GALNT12: variants seen among roughly 807,000 people sequenced by gnomAD.
The protein encoded by GALNT12 is UDP-GalNAc:polypeptide N-acetylgalactosaminyltransferase 12.
In GALNT12, 45 loss-of-function variants were observed where a neutral mutation model predicts 55.5. That is an observed-to-expected ratio of 0.81 (90% CI 0.64 to 1.04). GALNT12 has a LOEUF of 1.04. Ranked by LOEUF, GALNT12 falls within the 50% of genes least tolerant of loss-of-function variation. The pLI is 0.00. For synonymous variants in GALNT12, 304 were observed against 312.2 expected (o/e 0.97, Z 0.28); for missense variants, 709 against 754.8 (o/e 0.94, Z 0.71).
intron 1 of GALNT12, among the ~76,000 whole-genome samples, chr9:98,809,812 T>G (rs1478680228): frequency 6.6e-6 from 1 of 152,196 alleles, no homozygotes; most frequent in Non-Finnish European, 1.5e-5. Flanking sequence ...AATATCTCTT[T>G]GAAACACTGT....
intron 1 of GALNT12, among the ~76,000 whole-genome samples, chr9:98,820,778 A>G (rs768598137): frequency 3.9e-5 from 6 of 152,146 alleles, no homozygotes; most frequent in Admixed American, 1.3e-4. Flanking sequence ...TTGACTTTTT[A>G]ATAATAGCCA....
At chr9:98,822,972 G>A (rs1038662176) in intron 1 of GALNT12, among the ~76,000 whole-genome samples, 1 of 152,202 alleles carries the variant, frequency 6.6e-6, no homozygotes, top group African/African-American at 2.4e-5. Flanking sequence ...AGACGTGCCA[G>A]TTCCCTTCCT....
intron 1 of GALNT12, among the ~76,000 whole-genome samples, chr9:98,822,854 A>C (rs1185526499): frequency 6.6e-6 from 1 of 152,116 alleles, no homozygotes; most frequent in Non-Finnish European, 1.5e-5. Context: ...GGAGCTTGCC[A>C]AGTACAGAAG....
In GALNT12 at chr9:98,823,280, T is replaced by C. The variant is rs1302244505; in HGVS notation, c.396T>C (p.Tyr132=). Residue 132 remains tyrosine, a synonymous_variant, in exon 2 of 10, where the codon TAT becomes TAC. Transcript: ENST00000375011. The part of the protein sequence containing the change: ...NPLCKEKKYD[Y]DNLPRTSVII... ...GGTGCAAAGAGAAGAAATATGATTA[T>C]GATAATTTGCCCAGGACATCTGTTA... 3.1e-6 allele frequency: 5 copies of C among 1,614,218 alleles called. No homozygotes were observed. The African/African-American group carries it at 4.0e-5, about 13-fold the overall frequency.
chr9:98,848,867 A>G (rs1468677895), intron 9 of GALNT12, 85 bp from the exon 10 acceptor site: 1 of 1,526,364 alleles, frequency 6.6e-7, no homozygotes, highest in Non-Finnish European at 9.0e-7. Flanking sequence ...AATGGTAAAA[A>G]TCAGACCCTG....
chr9:98,831,666 T>C, intron 3 of GALNT12, 106 bp from the exon 4 acceptor site: 1 of 1,252,232 alleles, frequency 8.0e-7, no homozygotes, highest in South Asian at 1.3e-5. Flanking sequence ...CAGATGTTCC[T>C]CCCTCTTATT....
In GALNT12 at chr9:98,826,809, T is replaced by G. The variant is rs1219366741; in HGVS notation, c.599T>G (p.Ile200Ser). The G allele has an allele frequency of 1.2e-6, 2 of 1,612,098 alleles. No individual in the cohort carries two copies. Among genetic ancestry groups the G allele is most frequent in the African/African-American group, 2.7e-5 (2 of 74,970 alleles). Residue 200 changes from isoleucine (I) to serine (S), a missense_variant, in exon 3 of 10, where the codon ATC becomes AGC. Transcript: ENST00000375011. ...ELSGLPKVRL[I>S]RANKREGLVR... ...TCGGGACTGCCCAAGGTGCGCCTGA[T>G]CCGCGCCAACAAGAGAGAGGGCCTG...
chr9:98,837,944 A>G (rs1836194130), intron 6 of GALNT12, among the ~76,000 whole-genome samples: 2 of 152,152 alleles, frequency 1.3e-5, no homozygotes, highest in Non-Finnish European at 2.9e-5. Context: ...CCAGTAAATA[A>G]TGAGGATGGA....
chr9:98,827,074 A>T, intron 3 of GALNT12, 133 bp downstream of exon 3: 3 of 931,562 alleles, frequency 3.2e-6, no homozygotes, highest in Non-Finnish European at 5.0e-6. Flanking sequence ...TGGGCAGGAG[A>T]GCAGTCCCTG....
At chr9:98,808,214 C>G in intron 1 of GALNT12, 145 bp downstream of exon 1, 1 of 620,080 alleles carries the variant, frequency 1.6e-6, no homozygotes, top group Non-Finnish European at 2.7e-6. Context: ...AGTGTAAGAG[C>G]TCACATGGGG....
chr9:98,822,854 A>G (rs1185526499), intron 1 of GALNT12, among the ~76,000 whole-genome samples: 1 of 152,116 alleles, frequency 6.6e-6, no homozygotes. Flanking sequence ...GGAGCTTGCC[A>G]AGTACAGAAG....
At chr9:98,818,654 T>C (rs1032289312) in intron 1 of GALNT12, among the ~76,000 whole-genome samples, 14 of 152,162 alleles carry the variant, frequency 9.2e-5, no homozygotes, top group Non-Finnish European at 2.9e-5. Flanking sequence ...AGTTCCTCAG[T>C]CTCTCATGGT....
intron 1 of GALNT12, among the ~76,000 whole-genome samples, chr9:98,822,683 G>C (rs1835771575): frequency 6.6e-6 from 1 of 152,218 alleles, no homozygotes; most frequent in Non-Finnish European, 1.5e-5. Context: ...GATGCTGGGA[G>C]AGGGTAGGGA....
intron 1 of GALNT12, among the ~76,000 whole-genome samples, chr9:98,819,373 C>T (rs1588442508): frequency 1.3e-5 from 2 of 152,196 alleles, no homozygotes; most frequent in Admixed American, 6.5e-5. Context: ...GGATTCGGCT[C>T]CTGGCTGGCT....
chr9:98,825,192 G>GA (rs1056028011), intron 2 of GALNT12, among the ~76,000 whole-genome samples: 1 of 151,990 alleles, frequency 6.6e-6, no homozygotes, highest in Non-Finnish European at 1.5e-5. Flanking sequence ...GTTGCAAAAT[G>GA]AAAAAAACAG....
intron 1 of GALNT12, among the ~76,000 whole-genome samples, chr9:98,811,362 C>T (rs193207426): frequency 3.0e-4 from 45 of 152,272 alleles, no homozygotes; most frequent in African/African-American, 8.2e-4. Flanking sequence ...CCATAGAATA[C>T]GGGGAACTTG....
chr9:98,821,560 G>C (rs1304104136), intron 1 of GALNT12, among the ~76,000 whole-genome samples: 1 of 141,276 alleles, frequency 7.1e-6, no homozygotes, highest in Admixed American at 7.9e-5. Context: ...GGGAGGCAGA[G>C]CTTGCAGTGA....
At position 98,844,416 on chromosome 9, in the gene GALNT12, A is replaced by G. The variant is rs1836366888; in HGVS notation, c.1458+207A>G. The G allele has an allele frequency of 5.2e-6, 3 of 573,490 alleles. No individual in the cohort carries two copies. The Admixed American group carries it at 9.0e-5, about 17-fold the overall frequency. 35.5% of individuals were successfully genotyped at this position (573,490 alleles called of 1,614,324 possible). ...TAACACACAGAGATTATGTGTTGTA[A>G]ATAGTTGTCATAATGTCTGTATGTT... is the stretch of plus-strand genomic sequence containing the variant. On this transcript the variant is annotated intron_variant, in intron 8 of 9. Coordinates refer to ENST00000375011, the MANE Select transcript of GALNT12 (RefSeq NM_024642.5).
At chr9:98,830,995 A>G (rs911740149) in intron 3 of GALNT12, among the ~76,000 whole-genome samples, 1 of 152,212 alleles carries the variant, frequency 6.6e-6, no homozygotes, top group African/African-American at 2.4e-5. Flanking sequence ...CACGTGGTCT[A>G]GTCTCAGTCC....
Sources: allele counts gnomAD v4.1 joint callset (sites outside exome capture counted in the v4.1 genomes callset), GRCh38; gene constraint gnomAD v4.1.1; transcripts MANE v1.5; gene names NCBI Gene and HGNC (gene_info 2026-07-23, HGNC 2026-07-21).